ALK: variants seen among roughly 807,000 people sequenced by gnomAD.
The protein encoded by ALK is ALK receptor tyrosine kinase.
Under a neutral mutation model 163.1 loss-of-function variants are expected in ALK, and 74 were observed. The observed-to-expected ratio is 0.45, with a 90% CI of 0.38 to 0.55. The LOEUF (loss-of-function observed/expected upper bound fraction) is 0.55, where lower values mean the gene tolerates loss of function less well. Ranked by LOEUF, ALK falls within the 20% of genes least tolerant of loss-of-function variation. ALK has a pLI of 0.00. For missense variants in ALK, 2,063 were observed against 2,105.3 expected (o/e 0.98, Z 0.39); for synonymous variants, 960 against 843.2 (o/e 1.14, Z -2.40).
intron 1 of ALK, among the ~76,000 whole-genome samples, chr2:29,911,516 G>A (rs1026472811): frequency 6.6e-6 from 1 of 152,076 alleles, no homozygotes; most frequent in Non-Finnish European, 1.5e-5. Flanking sequence ...GATCTGTGCA[G>A]CAATAATACA....
chr2:29,314,094 G>T (rs1666764008), intron 8 of ALK, among the ~76,000 whole-genome samples: 1 of 152,086 alleles, frequency 6.6e-6, no homozygotes, highest in Non-Finnish European at 1.5e-5. Context: ...TGGAGGGAAG[G>T]ATAAGCCTGT....
chr2:29,839,061 T>C (rs141728658), intron 1 of ALK, among the ~76,000 whole-genome samples: 2,358 of 152,302 alleles, frequency 0.015, 65 homozygotes, highest in African/African-American at 0.054. Context: ...TTCTGATGCC[T>C]AAAGTTACAC....
intron 3 of ALK, among the ~76,000 whole-genome samples, chr2:29,653,810 C>T (rs1337897457): frequency 6.6e-6 from 1 of 152,112 alleles, no homozygotes. Flanking sequence ...ACCTGCAATT[C>T]CAGCACTTTG....
intron 4 of ALK, among the ~76,000 whole-genome samples, chr2:29,386,999 G>C (rs1047867582): frequency 1.3e-5 from 2 of 152,186 alleles, no homozygotes; most frequent in African/African-American, 4.8e-5. Context: ...TTCTACTTAG[G>C]CTTGCAGAAG....
At chr2:29,574,722 C>A (rs1267215411) in intron 3 of ALK, among the ~76,000 whole-genome samples, 2 of 152,208 alleles carry the variant, frequency 1.3e-5, no homozygotes, top group Non-Finnish European at 2.9e-5. Flanking sequence ...GGTGTTTCTA[C>A]CTTTTGCTGA....
intron 6 of ALK, among the ~76,000 whole-genome samples, chr2:29,323,694 C>T (rs947151812): frequency 2.6e-5 from 4 of 152,136 alleles, no homozygotes; most frequent in African/African-American, 7.2e-5. Context: ...GGTTAAGAGT[C>T]GGAACAAAGA....
intron 4 of ALK, among the ~76,000 whole-genome samples, chr2:29,432,725 T>C (rs576150168): frequency 6.6e-6 from 1 of 151,702 alleles, no homozygotes; most frequent in African/African-American, 2.4e-5. Context: ...GTAAACTAGA[T>C]GTAGCCTTTT....
At chr2:29,281,465 A>C (rs945210832) in intron 9 of ALK, among the ~76,000 whole-genome samples, 11 of 152,220 alleles carry the variant, frequency 7.2e-5, no homozygotes, top group African/African-American at 2.4e-4. Context: ...AGTGCTTAGC[A>C]GCAGAGATTT....
chr2:29,571,783 AT>A (rs1235219998), intron 3 of ALK, among the ~76,000 whole-genome samples: 2 of 151,554 alleles, frequency 1.3e-5, no homozygotes, highest in Non-Finnish European at 2.9e-5. Flanking sequence ...TGCCTAGCTC[AT>A]TTTTGTATTT....
At position 29,228,923 on chromosome 2, in the gene ALK, C is replaced by CG; in HGVS notation, c.2775_2776insC (p.Gly926ArgfsTer22). 4.9e-5 allele frequency: 74 copies of CG among 1,506,590 alleles called. No homozygotes were observed. Among genetic ancestry groups the CG allele is most frequent in the Non-Finnish European group, 6.5e-5 (70 of 1,085,128 alleles). The allele number at this position is 1,506,590 out of a possible 1,614,324, so 93.3% of individuals were successfully genotyped here. A position where few individuals can be genotyped will look rare whatever the true frequency, so the allele number is the denominator to read the frequency against. On this transcript the variant is annotated frameshift_variant, in exon 16 of 29. Transcript: ENST00000389048. LOFTEE classifies it high-confidence loss of function. ...CCTCCTCCACCTGAGGAGCACCCCC[C>CG]TCCACCCCCTCCGAAACCCCCTCTT... is the stretch of plus-strand genomic sequence containing the variant.
intron 1 of ALK, among the ~76,000 whole-genome samples, chr2:29,727,026 A>G (rs1292772782): frequency 6.6e-6 from 1 of 152,200 alleles, no homozygotes; most frequent in Non-Finnish European, 1.5e-5. Flanking sequence ...AAAGAAACTG[A>G]CCAGGTCAGA....
intron 2 of ALK, among the ~76,000 whole-genome samples, chr2:29,697,611 T>A (rs116507677): frequency 9.5e-4 from 145 of 152,044 alleles, no homozygotes; most frequent in African/African-American, 3.5e-3. Flanking sequence ...TACTTCATCC[T>A]CTCCCCGAAG....
At chr2:29,459,040 G>A (rs1281553578) in intron 4 of ALK, among the ~76,000 whole-genome samples, 2 of 152,080 alleles carry the variant, frequency 1.3e-5, no homozygotes, top group African/African-American at 2.4e-5. Context: ...CTCACCTAGA[G>A]GTCCACCTTC....
intron 8 of ALK, among the ~76,000 whole-genome samples, chr2:29,309,686 T>C (rs1036354711): frequency 1.3e-5 from 2 of 148,378 alleles, no homozygotes; most frequent in Non-Finnish European, 3.0e-5. Context: ...CATTGAGGAG[T>C]CTTCTTGTTC....
chr2:29,515,124 G>C lies in ALK; in HGVS notation c.1154+16791C>G, dbSNP rs577402752. ...TTTCCCTTCAGGTCCTTCATATGCT[G>C]TTCCCACTCCCAGAAAGGGTCTTGC... On this transcript the variant is annotated intron_variant, in intron 4 of 28. Transcript: ENST00000389048. Among the ~76,000 whole-genome samples the C allele has an allele frequency of 3.9e-5, 6 of 152,050 alleles. No homozygotes were observed. The South Asian group carries it at 8.3e-4, about 21-fold the overall frequency.
chr2:29,316,143 C>T (rs1293291410), intron 8 of ALK, among the ~76,000 whole-genome samples: 1 of 152,130 alleles, frequency 6.6e-6, no homozygotes, highest in Admixed American at 6.5e-5. Context: ...TTAGGATTCA[C>T]ATAAAATAAA....
chr2:29,703,977 C>G (rs1414346620), intron 2 of ALK, among the ~76,000 whole-genome samples: 1 of 152,144 alleles, frequency 6.6e-6, no homozygotes. Context: ...GCTGGTCAGA[C>G]GTACTGAACC....
intron 3 of ALK, among the ~76,000 whole-genome samples, chr2:29,552,515 G>A (rs371402174): frequency 3.3e-5 from 5 of 152,168 alleles, no homozygotes; most frequent in African/African-American, 9.6e-5. Flanking sequence ...ACCAATATTT[G>A]TTGTATTACT....
intron 3 of ALK, among the ~76,000 whole-genome samples, chr2:29,549,648 A>AT (rs1367290337): frequency 6.6e-6 from 1 of 152,188 alleles, no homozygotes; most frequent in African/African-American, 2.4e-5. Context: ...TGTGAATATG[A>AT]TTTTCCAAGA....
Sources: gnomAD v4.1 joint callset for allele counts (sites outside exome capture counted in the v4.1 genomes callset) on GRCh38, gnomAD v4.1.1 for gene constraint, MANE v1.5 for transcripts, NCBI Gene and HGNC (gene_info 2026-07-23, HGNC 2026-07-21) for gene names.